The following SHTN1 variants were observed in gnomAD, a reference collection of about 807,000 sequenced individuals.
SHTN1 encodes shootin 1.
SHTN1 carries 42 observed loss-of-function variants against 83.1 expected under a neutral mutation model. The ratio of observed to expected loss-of-function variants is 0.51; its 90% CI spans 0.39 to 0.65. The LOEUF is 0.65. Among genes scored for constraint, SHTN1 ranks in the 30% least tolerant of loss-of-function variants. SHTN1 has a pLI of 0.00. For synonymous variants in SHTN1, 224 were observed against 247.7 expected, an observed-to-expected ratio of 0.90 and a Z score of 0.90; for missense variants, 622 against 737.8, an observed-to-expected ratio of 0.84 and a Z score of 1.82.
intron 1 of SHTN1, among the ~76,000 whole-genome samples, chr10:117,052,735 T>C (rs992049765): frequency 4.0e-5 from 6 of 151,812 alleles, no homozygotes; most frequent in South Asian, 4.2e-4. Context: ...AAGAATTAAG[T>C]TGGGCCGAGT....
chr10:116,947,915 C>T (rs1231145135), intron 7 of SHTN1, among the ~76,000 whole-genome samples: 1 of 152,040 alleles, frequency 6.6e-6, no homozygotes, highest in Admixed American at 6.5e-5. Flanking sequence ...CAGCATATTG[C>T]CCACATTTAA....
chr10:117,092,969 T>C (rs940188231), intron 1 of SHTN1, among the ~76,000 whole-genome samples: 2 of 152,194 alleles, frequency 1.3e-5, no homozygotes, highest in African/African-American at 4.8e-5. Context: ...TCAACAATTC[T>C]AAGGGCTTCA....
intron 1 of SHTN1, among the ~76,000 whole-genome samples, chr10:117,065,727 TGAAAGAAA>T (rs869310024): frequency 0.012 from 137 of 11,876 alleles, 2 homozygotes; most frequent in African/African-American, 0.014. Flanking sequence ...GAGAGAGAGA[TGAAAGAAA>T]GAAAGAAAGA....
chr10:117,056,582 G>A (rs922138482), intron 1 of SHTN1, among the ~76,000 whole-genome samples: 1 of 152,144 alleles, frequency 6.6e-6, no homozygotes, highest in Non-Finnish European at 1.5e-5. Flanking sequence ...GGCCGAGGCA[G>A]GTGGATCACC....
chr10:116,945,436 T>C (rs952027943), intron 7 of SHTN1, among the ~76,000 whole-genome samples: 1 of 152,210 alleles, frequency 6.6e-6, no homozygotes, highest in African/African-American at 2.4e-5. Context: ...TGGAAAGACA[T>C]CTGTGATGTA....
chr10:117,092,107 T>C (rs1232296452), intron 1 of SHTN1, among the ~76,000 whole-genome samples: 1 of 152,234 alleles, frequency 6.6e-6, no homozygotes, highest in African/African-American at 2.4e-5. Flanking sequence ...AGCCTGTACA[T>C]GTAACCACTA....
chr10:116,973,727 TACA>T (rs1841487772), intron 2 of SHTN1: 2 of 431,256 alleles, frequency 4.6e-6, no homozygotes, highest in Admixed American at 5.1e-5. Flanking sequence ...CAGCAGAGCC[TACA>T]ACGCCACTAA....
intron 1 of SHTN1, among the ~76,000 whole-genome samples, chr10:117,050,127 G>A (rs902957243): frequency 6.6e-6 from 1 of 152,052 alleles, no homozygotes; most frequent in Non-Finnish European, 1.5e-5. Flanking sequence ...AGGAGTTCAA[G>A]GCCATCCTGG....
At chr10:117,114,916 G>C (rs565663186) in intron 1 of SHTN1, among the ~76,000 whole-genome samples, 2 of 152,264 alleles carry the variant, frequency 1.3e-5, no homozygotes, top group Admixed American at 1.3e-4. Flanking sequence ...GGGCCCTGGG[G>C]TCAGGAGGAC....
chr10:116,967,104 A>G (rs1850421971), intron 3 of SHTN1, among the ~76,000 whole-genome samples: 1 of 152,216 alleles, frequency 6.6e-6, no homozygotes, highest in African/African-American at 2.4e-5. Flanking sequence ...TCAACTCTTT[A>G]TAAATAATCA....
chr10:116,953,623 G>GTTT (rs759706275), intron 5 of SHTN1, among the ~76,000 whole-genome samples: 2,328 of 92,598 alleles, frequency 0.025, 213 homozygotes, highest in East Asian at 0.094. Flanking sequence ...TTTGTGTTTT[G>GTTT]TTTTTTTTTT....
At chr10:117,002,456 T>C (rs534412354) in intron 1 of SHTN1, among the ~76,000 whole-genome samples, 2 of 152,328 alleles carry the variant, frequency 1.3e-5, no homozygotes, top group African/African-American at 4.8e-5. Context: ...TGGTTCTTCT[T>C]GCTCACACTA....
intron 1 of SHTN1, among the ~76,000 whole-genome samples, chr10:117,059,559 T>C (rs181069871): frequency 1.4e-4 from 21 of 152,256 alleles, no homozygotes; most frequent in Admixed American, 4.6e-4. Flanking sequence ...AACAAACTCT[T>C]GATACACAAA....
intron 2 of SHTN1, among the ~76,000 whole-genome samples, chr10:117,012,208 T>C (rs1260309330): frequency 6.6e-6 from 1 of 151,054 alleles, no homozygotes; most frequent in Admixed American, 6.6e-5. Context: ...CTTCCAAATT[T>C]AACCTATAGA....
intron 16 of SHTN1, among the ~76,000 whole-genome samples, chr10:116,899,820 T>G (rs968991106): frequency 6.6e-6 from 1 of 152,142 alleles, no homozygotes; most frequent in Admixed American, 6.6e-5. Flanking sequence ...GAGAATGTGG[T>G]TAGTGTAACA....
intron 9 of SHTN1, among the ~76,000 whole-genome samples, chr10:116,935,899 G>T (rs1209327268): frequency 6.6e-6 from 1 of 152,118 alleles, no homozygotes; most frequent in Non-Finnish European, 1.5e-5. Flanking sequence ...TCTTGGGAGG[G>T]TGTATGTGTC....
intron 12 of SHTN1, among the ~76,000 whole-genome samples, chr10:116,917,505 T>C (rs544525241): frequency 2.6e-4 from 40 of 152,302 alleles, no homozygotes; most frequent in Middle Eastern, 3.4e-3. Flanking sequence ...GGTTTCACCA[T>C]AGAAAATACA....
intron 6 of SHTN1, among the ~76,000 whole-genome samples, chr10:116,951,231 T>C (rs760769046): frequency 6.6e-6 from 1 of 152,132 alleles, no homozygotes; most frequent in Non-Finnish European, 1.5e-5. Flanking sequence ...AAGGTAAGCC[T>C]GGGAAATACA....
At chr10:117,065,828 GGAAGGAAGGAAGGAAGGAAGGAAGGAAA>G (rs1564947395) in intron 1 of SHTN1, among the ~76,000 whole-genome samples, 39 of 86,098 alleles carry the variant, frequency 4.5e-4, no homozygotes, top group East Asian at 1.2e-3. Context: ...AAGGAAGGAA[GGAAGGAAGGAAGGAAGGAAGGAAGGAAA>G]GGAGGGAGGG....
Sources: gnomAD v4.1 joint callset for allele counts (sites outside exome capture counted in the v4.1 genomes callset) on GRCh38, gnomAD v4.1.1 for gene constraint, MANE v1.5 for transcripts, NCBI Gene and HGNC (gene_info 2026-07-23, HGNC 2026-07-21) for gene names.